The following XKR6 variants were observed in gnomAD, a reference collection of about 807,000 sequenced individuals.
XKR6 encodes XK related 6.
In XKR6, 22 loss-of-function variants were observed where a neutral mutation model predicts 56.7. That is an observed-to-expected ratio of 0.39 (90% CI 0.28 to 0.55). XKR6 has a LOEUF of 0.55. Among genes scored for constraint, XKR6 ranks in the 20% least tolerant of loss-of-function variants. The probability of loss-of-function intolerance (pLI) is 0.66; values close to 1 mark genes in which losing one functional copy is unlikely to be tolerated. For synonymous variants in XKR6, 524 were observed against 387.8 expected (o/e 1.35, Z -4.13); for missense variants, 852 against 889.0 (o/e 0.96, Z 0.53).
chr8:10,973,151 G>C (rs148310079), intron 1 of XKR6, among the ~76,000 whole-genome samples: 129 of 152,358 alleles, frequency 8.5e-4, no homozygotes, highest in African/African-American at 2.9e-3. Flanking sequence ...TTTTAATTAA[G>C]AGGAATTGAT....
At chr8:11,144,245 T>TGC (rs975713873) in intron 1 of XKR6, among the ~76,000 whole-genome samples, 1 of 135,808 alleles carries the variant, frequency 7.4e-6, no homozygotes, top group African/African-American at 3.0e-5. Context: ...TGTGTGTGTG[T>TGC]GTGTGTGTGT....
chr8:11,130,765 A>G (rs4841500), intron 1 of XKR6, among the ~76,000 whole-genome samples: 65,128 of 151,812 alleles, frequency 0.43, 15,058 homozygotes, highest in African/African-American at 0.55. Context: ...GACAGATGCC[A>G]CACAGGGGGC....
intron 1 of XKR6, among the ~76,000 whole-genome samples, chr8:11,165,963 T>G (rs1422585323): frequency 1.3e-5 from 2 of 148,242 alleles, no homozygotes; most frequent in Non-Finnish European, 3.0e-5. Flanking sequence ...TTTTGGGTTT[T>G]TTTTTTTTTT....
At chr8:11,087,199 G>A (rs933936983) in intron 1 of XKR6, among the ~76,000 whole-genome samples, 5 of 152,194 alleles carry the variant, frequency 3.3e-5, no homozygotes, top group Admixed American at 6.5e-5. Context: ...AGGCTTTGGT[G>A]TTGAAATATC....
At chr8:11,039,308 G>C (rs531805961) in intron 1 of XKR6, among the ~76,000 whole-genome samples, 9 of 152,194 alleles carry the variant, frequency 5.9e-5, no homozygotes, top group East Asian at 1.9e-4. Context: ...AACACCAGAG[G>C]GGGGATTGAG....
intron 1 of XKR6, among the ~76,000 whole-genome samples, chr8:10,966,567 G>A (rs965547306): frequency 1.3e-5 from 2 of 152,114 alleles, no homozygotes; most frequent in African/African-American, 4.8e-5. Flanking sequence ...CCAGCTACAC[G>A]GGAGGCTGAG....
intron 1 of XKR6, among the ~76,000 whole-genome samples, chr8:11,085,655 C>T (rs946852862): frequency 2.0e-5 from 3 of 152,150 alleles, no homozygotes; most frequent in African/African-American, 4.8e-5. Context: ...AGGATGGTCT[C>T]CCATGAGGCT....
chr8:11,092,593 C>CGG (rs1798111235), intron 1 of XKR6, among the ~76,000 whole-genome samples: 1 of 152,250 alleles, frequency 6.6e-6, no homozygotes, highest in South Asian at 2.1e-4. Flanking sequence ...GCTGATCTCA[C>CGG]GTTCGTAGGG....
chr8:10,980,145 G>A (rs1797696097), intron 1 of XKR6, among the ~76,000 whole-genome samples: 1 of 152,212 alleles, frequency 6.6e-6, no homozygotes. Flanking sequence ...TTCAAGAAGG[G>A]GGAACGTCTG....
chr8:11,160,191 C>T (rs938784988), intron 1 of XKR6, among the ~76,000 whole-genome samples: 2 of 149,396 alleles, frequency 1.3e-5, no homozygotes, highest in Admixed American at 6.6e-5. Flanking sequence ...AGAAAATGTA[C>T]GTCAGAAACA....
intron 1 of XKR6, among the ~76,000 whole-genome samples, chr8:11,077,445 A>G (rs1026878145): frequency 2.6e-5 from 4 of 152,142 alleles, no homozygotes; most frequent in African/African-American, 9.6e-5. Context: ...CACTTTGAGT[A>G]TGAGACTGTG....
rs1804216974 is a variant in XKR6 at position 11,201,245 on chromosome 8, C to T, written c.95G>A (p.Gly32Glu). 6.4e-6 allele frequency: 10 copies of T among 1,563,884 alleles called. No homozygotes were observed. The highest frequency in any genetic ancestry group is 1.2e-5 in the South Asian group (1 of 86,200). ...EAVGSGGEEDGEPGGGGCGGG... is the reference protein window; with the variant it reads ...EAVGSGGEEDEEPGGGGCGGG... ...GCCGCAGCCGCCTCCCCCGGGCTCC[C>T]CGTCCTCCTCGCCGCCGCTGCCCAC... The change falls in exon 1 of 3, where the codon GGG (glycine) becomes GAG (glutamate). Residue 32 changes from glycine (G) to glutamate (E), a missense_variant. This residue lies in a region of XKR6 where 417 missense variants were observed against 355.2 expected (regional missense o/e 1.17). Coordinates refer to ENST00000416569, the MANE Select transcript of XKR6 (RefSeq NM_173683.4).
At chr8:11,126,373 G>A (rs553483659) in intron 1 of XKR6, among the ~76,000 whole-genome samples, 1 of 151,972 alleles carries the variant, frequency 6.6e-6, no homozygotes, top group East Asian at 1.9e-4. Flanking sequence ...GCCTACTTTG[G>A]CGTTTTTTAA....
intron 1 of XKR6, chr8:11,124,379 C>G: frequency 5.3e-6 from 1 of 189,146 alleles, no homozygotes; most frequent in Non-Finnish European, 1.1e-5. Flanking sequence ...ACACAGTACA[C>G]ACATCCAATG....
chr8:11,123,611 G>A, intron 1 of XKR6: 1 of 307,796 alleles, frequency 3.2e-6, no homozygotes, highest in Non-Finnish European at 6.4e-6. Context: ...AAAAATTCAA[G>A]TGTGCAGAGT....
intron 1 of XKR6, among the ~76,000 whole-genome samples, chr8:11,155,029 G>A (rs748299120): frequency 6.6e-6 from 1 of 152,186 alleles, no homozygotes; most frequent in Non-Finnish European, 1.5e-5. Flanking sequence ...TCCGAGCTGC[G>A]TTAGAGATTA....
At chr8:10,965,448 C>T (rs1340093516) in intron 1 of XKR6, among the ~76,000 whole-genome samples, 6 of 152,244 alleles carry the variant, frequency 3.9e-5, no homozygotes, top group Non-Finnish European at 7.3e-5. Flanking sequence ...CTGACTGCTG[C>T]ACCTAGCATG....
intron 1 of XKR6, among the ~76,000 whole-genome samples, chr8:11,171,907 G>C (rs1488719063): frequency 1.3e-5 from 2 of 151,948 alleles, no homozygotes; most frequent in South Asian, 2.1e-4. Flanking sequence ...ACAAAACTTA[G>C]CCAGCCGTGG....
chr8:11,047,098 A>G (rs1799428913), intron 1 of XKR6, among the ~76,000 whole-genome samples: 1 of 152,224 alleles, frequency 6.6e-6, no homozygotes, highest in Non-Finnish European at 1.5e-5. Context: ...ACTATAGTTA[A>G]TAACATATTG....
Sources: gnomAD v4.1 joint callset for allele counts (sites outside exome capture counted in the v4.1 genomes callset) on GRCh38, gnomAD v4.1.1 for gene constraint, gnomAD v4.1.1 regional missense constraint, MANE v1.5 for transcripts, NCBI Gene and HGNC (gene_info 2026-07-23, HGNC 2026-07-21) for gene names.